Variants in OR1B1 observed in about 807,000 individuals in gnomAD.
The protein encoded by OR1B1 is olfactory receptor 1B1.
For synonymous variants in OR1B1, 168 were observed against 156.2 expected (o/e 1.08, Z -0.57); for missense variants, 414 against 402.1 (o/e 1.03, Z -0.25).
the OR1B1 span, among the ~76,000 whole-genome samples, chr9:122,635,696 G>A: frequency 6.6e-6 from 1 of 151,996 alleles, no homozygotes; most frequent in Non-Finnish European, 1.5e-5. Context: ...TAGAGGAGAG[G>A]CAATATTGAA....
chr9:122,642,903 G>C, the OR1B1 span, among the ~76,000 whole-genome samples: 1,339 of 152,268 alleles, frequency 8.8e-3, 12 homozygotes, highest in Non-Finnish European at 0.012. Context: ...CATGTAAAGT[G>C]CTAATAACAT....
chr9:122,636,363 C>A, the OR1B1 span, among the ~76,000 whole-genome samples: 1 of 152,206 alleles, frequency 6.6e-6, no homozygotes, highest in Non-Finnish European at 1.5e-5. Context: ...GCCTGTAATC[C>A]CAACAATTTG....
upstream of OR1B1, among the ~76,000 whole-genome samples, chr9:122,631,397 T>C (rs1830202050): frequency 6.6e-6 from 1 of 151,914 alleles, no homozygotes. Flanking sequence ...CAGGATGGTC[T>C]CGATCTCCTG....
chr9:122,648,913 A>G, the OR1B1 span, among the ~76,000 whole-genome samples: 2 of 152,300 alleles, frequency 1.3e-5, no homozygotes, highest in East Asian at 3.9e-4. Flanking sequence ...TAAATTTCAT[A>G]TGGAACCAAA....
chr9:122,650,420 AT>A, the OR1B1 span, among the ~76,000 whole-genome samples: 10 of 149,884 alleles, frequency 6.7e-5, no homozygotes, highest in South Asian at 4.2e-4. Flanking sequence ...AATTAAAAAA[AT>A]ATATATATAA....
At chr9:122,646,356 A>C in the OR1B1 span, among the ~76,000 whole-genome samples, 143 of 152,262 alleles carry the variant, frequency 9.4e-4, no homozygotes, top group Non-Finnish European at 1.7e-3. Context: ...CAATAATAAC[A>C]CTGAGTGTAA....
the OR1B1 span, among the ~76,000 whole-genome samples, chr9:122,657,124 T>C: frequency 1.3e-4 from 20 of 152,106 alleles, no homozygotes; most frequent in African/African-American, 3.9e-4. Context: ...TCCTGGACCT[T>C]TAGGCTACAA....
At chr9:122,646,296 C>G in the OR1B1 span, among the ~76,000 whole-genome samples, 1 of 151,288 alleles carries the variant, frequency 6.6e-6, no homozygotes, top group Non-Finnish European at 1.5e-5. Context: ...AAGAGAAGAC[C>G]ACAGAACAGC....
chr9:122,628,515 CA>C (rs1830163047), downstream of OR1B1: 1 of 1,132,140 alleles, frequency 8.8e-7, no homozygotes, highest in Non-Finnish European at 1.3e-6. Flanking sequence ...TCCCCAAAAC[CA>C]ACTCTGCTCA....
chr9:122,635,158 G>T, the OR1B1 span, among the ~76,000 whole-genome samples: 1 of 152,130 alleles, frequency 6.6e-6, no homozygotes, highest in Non-Finnish European at 1.5e-5. Flanking sequence ...AATGGCTAAA[G>T]AAATTGTGGA....
the OR1B1 span, among the ~76,000 whole-genome samples, chr9:122,636,360 A>G: frequency 6.6e-6 from 1 of 152,244 alleles, no homozygotes; most frequent in Non-Finnish European, 1.5e-5. Context: ...CACGCCTGTA[A>G]TCCCAACAAT....
chr9:122,636,163 C>A, the OR1B1 span, among the ~76,000 whole-genome samples: 2 of 152,168 alleles, frequency 1.3e-5, no homozygotes, highest in Non-Finnish European at 2.9e-5. Context: ...TCACCAAGTC[C>A]CTGCACGGTC....
chr9:122,628,898 A>T, exon 1 of OR1B1: 1 of 1,614,190 alleles, frequency 6.2e-7, no homozygotes, highest in East Asian at 2.2e-5. Flanking sequence ...GGGGCCCAGC[A>T]TAAGGAAGCC....
chr9:122,628,961 C>A, exon 1 of OR1B1: 1 of 1,614,036 alleles, frequency 6.2e-7, no homozygotes. Flanking sequence ...ACAAGAGGCT[C>A]GCAGAAGTGG....
At chr9:122,628,958 G>A (rs1830171331) in exon 1 of OR1B1, 2 of 1,613,954 alleles carry the variant, frequency 1.2e-6, no homozygotes, top group South Asian at 2.2e-5. Flanking sequence ...AGAACAAGAG[G>A]CTCGCAGAAG....
At chr9:122,650,424 A>G in the OR1B1 span, among the ~76,000 whole-genome samples, 1 of 150,674 alleles carries the variant, frequency 6.6e-6, no homozygotes, top group Non-Finnish European at 1.5e-5. Flanking sequence ...AAAAAAATAT[A>G]TATATAATAT....
chr9:122,645,079 CAA>C, the OR1B1 span, among the ~76,000 whole-genome samples: 3 of 152,060 alleles, frequency 2.0e-5, no homozygotes, highest in Non-Finnish European at 2.9e-5. Flanking sequence ...AGAATTTTCA[CAA>C]AGAGATTGAA....
the OR1B1 span, among the ~76,000 whole-genome samples, chr9:122,655,265 G>A: frequency 6.6e-6 from 1 of 152,146 alleles, no homozygotes; most frequent in Admixed American, 6.5e-5. Flanking sequence ...TAATTTGGGA[G>A]TTAAATTTTC....
chr9:122,630,765 T>C (rs1830195964), upstream of OR1B1, among the ~76,000 whole-genome samples: 1 of 152,196 alleles, frequency 6.6e-6, no homozygotes, highest in African/African-American at 2.4e-5. Flanking sequence ...TGAAGTGCAG[T>C]GGCTTGATCT....
Sources: gnomAD v4.1 joint callset for allele counts (sites outside exome capture counted in the v4.1 genomes callset) on GRCh38, gnomAD v4.1.1 for gene constraint, MANE v1.5 for transcripts, NCBI Gene and HGNC (gene_info 2026-07-23, HGNC 2026-07-21) for gene names.